The following DENND1A variants were observed in gnomAD, a reference collection of about 807,000 sequenced individuals.
The protein encoded by DENND1A is DENN domain containing 1A.
DENND1A carries 51 observed loss-of-function variants against 113.7 expected under a neutral mutation model. The ratio of observed to expected loss-of-function variants is 0.45; its 90% confidence interval spans 0.36 to 0.57. DENND1A has a LOEUF of 0.57. Ranked by LOEUF, DENND1A falls within the 20% of genes least tolerant of loss-of-function variation. DENND1A has a pLI of 0.00. For missense variants in DENND1A, 1,258 were observed against 1,395.9 expected (o/e 0.90, Z 1.57); for synonymous variants, 565 against 570.8 (o/e 0.99, Z 0.14).
At chr9:123,566,028 A>G (rs898327062) in intron 12 of DENND1A, among the ~76,000 whole-genome samples, 2 of 152,132 alleles carry the variant, frequency 1.3e-5, no homozygotes, top group African/African-American at 4.8e-5. Context: ...AGCTATCCCC[A>G]CTACACAGAT....
intron 21 of DENND1A, among the ~76,000 whole-genome samples, chr9:123,394,429 G>C (rs970344320): frequency 6.6e-6 from 1 of 152,146 alleles, no homozygotes; most frequent in African/African-American, 2.4e-5. Context: ...TGGAGCCAGC[G>C]CAAGGATGAG....
chr9:123,582,581 A>T (rs1179641014), intron 12 of DENND1A, among the ~76,000 whole-genome samples: 1 of 151,680 alleles, frequency 6.6e-6, no homozygotes, highest in Non-Finnish European at 1.5e-5. Flanking sequence ...TTGTATTTTT[A>T]GTAGAGACTG....
intron 13 of DENND1A, among the ~76,000 whole-genome samples, chr9:123,537,359 T>C (rs2055862849): frequency 6.6e-6 from 1 of 151,288 alleles, no homozygotes; most frequent in Non-Finnish European, 1.5e-5. Flanking sequence ...AATTCAAAAA[T>C]ACAGCAAAAG....
rs1219853810 is a variant in DENND1A, at chr9:123,454,726, G to A, written c.1227+13C>T. The A allele has an allele frequency of 6.4e-7, 1 of 1,553,438 alleles. No homozygotes were observed. The highest frequency in any genetic ancestry group is 8.7e-7 in the Non-Finnish European group (1 of 1,147,866). On this transcript the variant is annotated intron_variant, in intron 16 of 23. Coordinates refer to ENST00000394215, the MANE Select transcript of DENND1A (RefSeq NM_001352964.2). ...AGGGAGTCCAGGGGGCTCTGAATTG[G>A]GTGCATGCTTACCCGGACAGTGGAG...
At chr9:123,723,741 G>C (rs2067504464) in intron 5 of DENND1A, among the ~76,000 whole-genome samples, 1 of 152,182 alleles carries the variant, frequency 6.6e-6, no homozygotes, top group African/African-American at 2.4e-5. Flanking sequence ...ACGCAGAACT[G>C]TAAATCCATT....
chr9:123,740,899 T>A (rs868284459), intron 5 of DENND1A, among the ~76,000 whole-genome samples: 94 of 108,886 alleles, frequency 8.6e-4, no homozygotes, highest in African/African-American at 1.2e-3. Flanking sequence ...GAAGGGAAAG[T>A]GAGAGAGAGA....
intron 3 of DENND1A, among the ~76,000 whole-genome samples, chr9:123,788,171 C>T (rs746251633): frequency 1.3e-5 from 2 of 152,102 alleles, no homozygotes; most frequent in South Asian, 2.1e-4. Flanking sequence ...ATTAATTCTA[C>T]GTGTTTTCGT....
chr9:123,503,552 T>A (rs144312862), intron 13 of DENND1A, among the ~76,000 whole-genome samples: 2 of 152,198 alleles, frequency 1.3e-5, no homozygotes, highest in Non-Finnish European at 2.9e-5. Context: ...CTTGAGCTCA[T>A]CGGACTCACG....
intron 13 of DENND1A, among the ~76,000 whole-genome samples, chr9:123,472,050 T>C (rs753769028): frequency 1.3e-5 from 2 of 152,134 alleles, no homozygotes; most frequent in African/African-American, 2.4e-5. Context: ...CTTCCTATTG[T>C]GAGGTTTAAG....
intron 10 of DENND1A, among the ~76,000 whole-genome samples, chr9:123,611,568 G>C (rs1454236291): frequency 6.6e-6 from 1 of 152,104 alleles, no homozygotes; most frequent in Non-Finnish European, 1.5e-5. Context: ...CAGAAGCACA[G>C]CCTAACACAT....
chr9:123,567,954 C>T (rs1325627158), intron 12 of DENND1A, among the ~76,000 whole-genome samples: 1 of 152,168 alleles, frequency 6.6e-6, no homozygotes, highest in African/African-American at 2.4e-5. Flanking sequence ...GTTGTATTTG[C>T]ACTGAGCTTT....
At chr9:123,458,004 CTTTTT>C in intron 13 of DENND1A, 107 bp from the exon 14 acceptor site, 1 of 567,844 alleles carries the variant, frequency 1.8e-6, no homozygotes. Context: ...TTTTCTTTTC[CTTTTT>C]TTTTTTTTTG....
chr9:123,478,897 G>A lies in DENND1A; in HGVS notation c.994-21000C>T, dbSNP rs556525895. Among the ~76,000 whole-genome samples, 19 of 152,332 alleles carry A rather than the reference G, an allele frequency of 1.2e-4. No individual in the cohort carries two copies. The South Asian group carries it at 1.4e-3, about 12-fold the overall frequency. On this transcript the variant is annotated intron_variant, in intron 13 of 23. Coordinates refer to ENST00000394215, the MANE Select transcript of DENND1A (RefSeq NM_001352964.2). ...CACAACTGACACCAAATGAGACTTC[G>A]TGTTAATCCAGTTTACTGCTGATGC... is the stretch of plus-strand genomic sequence containing the variant.
At chr9:123,816,311 T>G (rs913793687) in intron 2 of DENND1A, among the ~76,000 whole-genome samples, 4 of 152,124 alleles carry the variant, frequency 2.6e-5, no homozygotes, top group African/African-American at 9.7e-5. Context: ...TGAAACCAAA[T>G]CTTACAAGTT....
At chr9:123,709,786 C>G (rs1009027550) in intron 5 of DENND1A, among the ~76,000 whole-genome samples, 10 of 152,126 alleles carry the variant, frequency 6.6e-5, no homozygotes, top group Non-Finnish European at 1.5e-5. Context: ...ATGACAGTTT[C>G]CATTTGGAAT....
At chr9:123,872,398 T>C (rs1481967609) in intron 2 of DENND1A, among the ~76,000 whole-genome samples, 1 of 152,180 alleles carries the variant, frequency 6.6e-6, no homozygotes, top group African/African-American at 2.4e-5. Flanking sequence ...GCAACTAAAA[T>C]GATTTCTGCA....
chr9:123,673,567 A>C (rs7857078), intron 6 of DENND1A, among the ~76,000 whole-genome samples: 8,046 of 152,270 alleles, frequency 0.053, 687 homozygotes, highest in African/African-American at 0.18. Flanking sequence ...GGGCAATGGT[A>C]TTTAGAAACC....
chr9:123,385,384 C>T (rs572818999), intron 22 of DENND1A, among the ~76,000 whole-genome samples: 187 of 152,266 alleles, frequency 1.2e-3, no homozygotes, highest in African/African-American at 4.1e-3. Flanking sequence ...AGGCTGGTCT[C>T]GAACTCCTGA....
In DENND1A at chr9:123,877,484, G is replaced by A. The variant is rs1313079523; in HGVS notation, c.88+1467C>T. Among the ~76,000 whole-genome samples, 15 of 146,814 alleles carry A rather than the reference G, an allele frequency of 1.0e-4. No homozygotes were observed. In the South Asian group the frequency reaches 1.3e-3, roughly 13 times the overall value. On this transcript the variant is annotated intron_variant, in intron 2 of 23. Transcript: ENST00000394215. ...AGCCTGGGCGACAGTGCAAGATGCC[G>A]TCTCAAAAATAATAATAATAAAATA...
Sources: gnomAD v4.1 joint callset for allele counts (sites outside exome capture counted in the v4.1 genomes callset) on GRCh38, gnomAD v4.1.1 for gene constraint, MANE v1.5 for transcripts, NCBI Gene and HGNC (gene_info 2026-07-23, HGNC 2026-07-21) for gene names.